ANKRD36: variants seen among roughly 807,000 people sequenced by gnomAD.
The protein encoded by ANKRD36 is ankyrin repeat domain 36, also known as ankyrin repeat domain-containing protein 36A.
ANKRD36 carries 179 observed loss-of-function variants against 278.1 expected under a neutral mutation model. The ratio of observed to expected loss-of-function variants is 0.64; its 90% CI spans 0.57 to 0.73. ANKRD36 has a LOEUF of 0.73. Among genes scored for constraint, ANKRD36 ranks in the 30% least tolerant of loss-of-function variants. The pLI is 0.00. For synonymous variants in ANKRD36, 320 were observed against 641.1 expected (o/e 0.50, Z 7.57); for missense variants, 1,159 against 1,956.7 (o/e 0.59, Z 7.69).
At chr2:97,226,009 T>A (rs1396795739) in intron 67 of ANKRD36, among the ~76,000 whole-genome samples, 3 of 151,894 alleles carry the variant, frequency 2.0e-5, no homozygotes, top group Non-Finnish European at 4.4e-5. Flanking sequence ...CCATATTTTC[T>A]TAATCCAGAC....
At chr2:97,204,131 AATGTATAGTCT>A (rs1558754456) in intron 49 of ANKRD36, 35 bp downstream of exon 49, 1 of 1,573,944 alleles carries the variant, frequency 6.4e-7, no homozygotes, top group East Asian at 2.4e-5. Flanking sequence ...TGAACTAGTA[AATGTATAGTCT>A]ACGAAACATA....
chr2:97,215,546 A>C (rs1468355543), intron 62 of ANKRD36, 49 bp downstream of exon 62: 1 of 1,596,848 alleles, frequency 6.3e-7, no homozygotes. Context: ...ATAGAAGAGA[A>C]ATTCACTTCC....
chr2:97,208,868 C>G (rs529065330), intron 54 of ANKRD36, among the ~76,000 whole-genome samples: 1 of 146,928 alleles, frequency 6.8e-6, no homozygotes, highest in Non-Finnish European at 1.5e-5. Context: ...TTCTAATTAA[C>G]TCCTAAAATA....
Position 97,123,019 on chromosome 2 carries a change from C to G in ANKRD36, c.593+26C>G, listed in dbSNP as rs771176336. 2.7e-6 allele frequency: 4 copies of G among 1,492,282 alleles called. No individual in the cohort carries two copies. The African/African-American group carries it at 5.7e-5, about 21-fold the overall frequency. The allele number at this position is 1,492,282 out of a possible 1,614,324, so 92.4% of individuals were successfully genotyped here. A position where few individuals can be genotyped will look rare whatever the true frequency, so the allele number is the denominator to read the frequency against. On this transcript the variant is annotated intron_variant, in intron 4 of 75. Transcript: ENST00000420699. ...GTACAGACCTTAGTTCTTATTGTGT[C>G]GTTTTTAAACCTGAGTGTCATTTTA...
intron 11 of ANKRD36, among the ~76,000 whole-genome samples, chr2:97,147,680 C>T (rs1276848149): frequency 6.6e-6 from 1 of 151,756 alleles, no homozygotes; most frequent in Non-Finnish European, 1.5e-5. Context: ...CTCTAGTGAA[C>T]ACAGTGGAAG....
In ANKRD36 at chr2:97,209,800, G is replaced by A. The variant is rs746453153; in HGVS notation, c.3295G>A (p.Ala1099Thr). The change falls in exon 56 of 76, where the codon GCT (alanine) becomes ACT (threonine). Residue 1099 changes from alanine to threonine, a missense_variant and splice_region_variant. Physicochemically the swap from Ala to Thr is moderately conservative, Grantham distance 58. Coordinates refer to ENST00000420699, the MANE Select transcript of ANKRD36 (RefSeq NM_001354587.1). ...VSSRKKPALK[A>T]TSDEKDSVLY... ...TTATTTCATTTCAAATTCCATTCAG[G>A]CTACAAGTGACGAGAAAGATTCTGT... The A allele has an allele frequency of 6.2e-7, 1 of 1,601,000 alleles. No individual in the cohort carries two copies. Among genetic ancestry groups the A allele is most frequent in the Non-Finnish European group, 8.5e-7 (1 of 1,176,052 alleles).
At chr2:97,231,323 C>T (rs1355605039) in intron 67 of ANKRD36, among the ~76,000 whole-genome samples, 28 of 152,162 alleles carry the variant, frequency 1.8e-4, no homozygotes, top group Admixed American at 2.6e-4. Context: ...TTTACCTAAG[C>T]AAGCCTGGGC....
rs200049287 is a variant in ANKRD36, at chr2:97,230,615, G to A, written c.3952-3115G>A. Reference sequence around the variant, plus strand: ...TCCTGTAGCTCAGAGTAGTTTGATCGTCTGAAGCCTTCTTCTCTCAACTCG... The same window carrying A: ...TCCTGTAGCTCAGAGTAGTTTGATCATCTGAAGCCTTCTTCTCTCAACTCG... On this transcript the variant is annotated intron_variant, in intron 67 of 75. Coordinates refer to ENST00000420699, the MANE Select transcript of ANKRD36 (RefSeq NM_001354587.1). Among the ~76,000 whole-genome samples the A allele has an allele frequency of 1.9e-4, 29 of 152,112 alleles. No homozygotes were observed. The South Asian group carries it at 2.7e-3, about 14-fold the overall frequency.
At chr2:97,177,876 C>G (rs1445039948) in intron 22 of ANKRD36, among the ~76,000 whole-genome samples, 1 of 151,736 alleles carries the variant, frequency 6.6e-6, no homozygotes, top group African/African-American at 2.4e-5. Flanking sequence ...AAACTACCAT[C>G]AGAGTGAACA....
chr2:97,133,433 G>T (rs2040680785), intron 6 of ANKRD36, among the ~76,000 whole-genome samples: 1 of 151,740 alleles, frequency 6.6e-6, no homozygotes, highest in African/African-American at 2.4e-5. Context: ...TCAGTAAAAT[G>T]GTTAGATAAA....
chr2:97,191,122 A>C lies in ANKRD36; in HGVS notation c.2288A>C (p.Glu763Ala), dbSNP rs1357386715. 1 of 1,598,348 alleles carries C rather than the reference A, an allele frequency of 6.3e-7. No homozygotes were observed. Among genetic ancestry groups the C allele is most frequent in the Non-Finnish European group, 8.5e-7 (1 of 1,172,530 alleles). The change falls in exon 36 of 76, where the codon GAG becomes GCG. Residue 763 changes from glutamate (E) to alanine (A), a missense_variant. Coordinates refer to ENST00000420699, the MANE Select transcript of ANKRD36 (RefSeq NM_001354587.1). ...AATTCCATTCAGGCTACAACTGATG[A>C]GAAAGATTCTGTTTCGAACATAGCC... ...KQPALKATTD[E>A]KDSVSNIATE... is the part of the protein sequence containing the mutation.
intron 44 of ANKRD36, 114 bp downstream of exon 44, chr2:97,198,772 C>T (rs2060501584): frequency 8.6e-7 from 1 of 1,168,820 alleles, no homozygotes; most frequent in Non-Finnish European, 1.2e-6. Context: ...TTCAGCAGTC[C>T]TGAGATTCTT....
At chr2:97,129,854 T>C (rs905893761) in intron 6 of ANKRD36, among the ~76,000 whole-genome samples, 2 of 152,132 alleles carry the variant, frequency 1.3e-5, no homozygotes, top group African/African-American at 4.8e-5. Context: ...ACCAGTACCA[T>C]GCTGTTTTGG....
At chr2:97,201,140 G>T (rs1450336917) in intron 46 of ANKRD36, among the ~76,000 whole-genome samples, 2 of 151,884 alleles carry the variant, frequency 1.3e-5, no homozygotes, top group Non-Finnish European at 2.9e-5. Flanking sequence ...GCAGGAAACA[G>T]TGTTTGAATT....
chr2:97,232,592 G>A (rs1242814524), intron 67 of ANKRD36, among the ~76,000 whole-genome samples: 3 of 136,650 alleles, frequency 2.2e-5, no homozygotes, highest in Non-Finnish European at 4.5e-5. Flanking sequence ...TGATGCATCT[G>A]GCATGTCTGT....
chr2:97,205,178 C>T (rs1324685732), intron 50 of ANKRD36, among the ~76,000 whole-genome samples: 1 of 151,660 alleles, frequency 6.6e-6, no homozygotes, highest in Non-Finnish European at 1.5e-5. Context: ...GAATGTAAAA[C>T]TTATTATTGT....
intron 44 of ANKRD36, among the ~76,000 whole-genome samples, chr2:97,198,910 G>C (rs1441517861): frequency 2.0e-5 from 3 of 151,780 alleles, no homozygotes; most frequent in Non-Finnish European, 4.4e-5. Flanking sequence ...AAGGCATAAG[G>C]GGCTCCGGGG....
chr2:97,163,642 C>G (rs1465018248), intron 18 of ANKRD36: 1,009 of 148,580 alleles, frequency 6.8e-3, no homozygotes, highest in Non-Finnish European at 0.01. Flanking sequence ...GTGGCGGGAT[C>G]TCGGCTCACT....
chr2:97,200,477 T>A lies in ANKRD36; in HGVS notation c.2809T>A (p.Phe937Ile), dbSNP rs571478942. 8 of 1,586,788 alleles carry A rather than the reference T, an allele frequency of 5.0e-6. No individual in the cohort carries two copies. The South Asian group carries it at 9.1e-5, about 18-fold the overall frequency. ...GGCCACAAGTGATGAGAAGGATTCT[T>A]TTTCGAATATAACCAGAGAAAAAAA... ...LEATSDEKDS[F>I]SNITREKKDG... The change falls in exon 46 of 76, where the codon TTT becomes ATT. Residue 937 changes from phenylalanine (F) to isoleucine (I), a missense_variant. Transcript: ENST00000420699.
Sources: allele counts gnomAD v4.1 joint callset (sites outside exome capture counted in the v4.1 genomes callset), GRCh38; gene constraint gnomAD v4.1.1; transcripts MANE v1.5; gene names NCBI Gene and HGNC (gene_info 2026-07-23, HGNC 2026-07-21).